Variants in GPHN observed in about 807,000 individuals in gnomAD.
The protein encoded by GPHN is gephyrin.
Under a neutral mutation model 95.5 loss-of-function variants are expected in GPHN, and 17 were observed. The ratio of observed to expected loss-of-function variants is 0.18; its 90% CI spans 0.12 to 0.27. The LOEUF is 0.27. Ranked by LOEUF, GPHN falls within the 10% of genes least tolerant of loss-of-function variation. The pLI is 1.00. For missense variants in GPHN, 660 were observed against 978.1 expected (o/e 0.67, Z 4.34); for synonymous variants, 320 against 322.5 (o/e 0.99, Z 0.08).
chr14:66,683,845 C>T (rs912005729), intron 2 of GPHN, among the ~76,000 whole-genome samples: 8 of 151,538 alleles, frequency 5.3e-5, no homozygotes, highest in Middle Eastern at 3.4e-3. Flanking sequence ...GGCGTGGTGG[C>T]GGGCACCTGT....
rs116007113 is a variant in GPHN at position 67,048,925 on chromosome 14, A to G, written c.1007-9724A>G. On this transcript the variant is annotated intron_variant, in intron 10 of 22. Coordinates refer to ENST00000478722, the MANE Select transcript of GPHN (RefSeq NM_020806.5). ...ATCAGAATATATTTGTGGCCATGAA[A>G]TAGTTTTGCTTCATAGGAAACTATT... Among the ~76,000 whole-genome samples the G allele has an allele frequency of 5.5e-3, 839 of 152,302 alleles. 3 individuals carry two copies. Among genetic ancestry groups the G allele is most frequent in the African/African-American group, 0.019 (802 of 41,570 alleles).
At chr14:66,640,236 C>T (rs1005825992) in intron 1 of GPHN, among the ~76,000 whole-genome samples, 1 of 152,054 alleles carries the variant, frequency 6.6e-6, no homozygotes, top group Non-Finnish European at 1.5e-5. Context: ...GCCTGGCCAA[C>T]ATGGTGAAAC....
chr14:67,356,439 A>C, the GPHN span, among the ~76,000 whole-genome samples: 2 of 143,316 alleles, frequency 1.4e-5, no homozygotes, highest in African/African-American at 5.6e-5. Context: ...AAAAACAAAA[A>C]AAAAAAAACA....
At chr14:67,126,461 AAG>A (rs2079322977) in intron 17 of GPHN, among the ~76,000 whole-genome samples, 2 of 152,354 alleles carry the variant, frequency 1.3e-5, no homozygotes, top group East Asian at 3.9e-4. Context: ...TAGATAGGAA[AAG>A]AGAGTGTGTT....
intron 18 of GPHN, among the ~76,000 whole-genome samples, chr14:67,152,585 A>G (rs1057102983): frequency 4.6e-5 from 7 of 152,228 alleles, no homozygotes; most frequent in Non-Finnish European, 8.8e-5. Flanking sequence ...ATAATTTGCT[A>G]ATAGATGCAA....
chr14:66,557,787 G>T (rs1458733425), intron 1 of GPHN, among the ~76,000 whole-genome samples: 1 of 152,060 alleles, frequency 6.6e-6, no homozygotes, highest in Non-Finnish European at 1.5e-5. Context: ...ACTTTTAAAA[G>T]TGTGTCTGAT....
chr14:67,586,846 A>G, the GPHN span: 1 of 1,497,556 alleles, frequency 6.7e-7, no homozygotes, highest in Non-Finnish European at 8.9e-7. Context: ...TCCTTTTCTC[A>G]GAAGGGCACT....
At chr14:66,925,983 G>A (rs1201190796) in intron 8 of GPHN, among the ~76,000 whole-genome samples, 2 of 152,074 alleles carry the variant, frequency 1.3e-5, no homozygotes, top group Non-Finnish European at 2.9e-5. Context: ...GTTTTGATTT[G>A]CATTTATCTG....
chr14:67,373,771 A>G, the GPHN span, among the ~76,000 whole-genome samples: 2 of 152,092 alleles, frequency 1.3e-5, no homozygotes, highest in African/African-American at 4.8e-5. Context: ...GTTCAAGAAG[A>G]TGTTTAAGCA....
chr14:67,008,454 AAAAAAAG>A (rs2072757831), intron 9 of GPHN, among the ~76,000 whole-genome samples: 2 of 151,882 alleles, frequency 1.3e-5, no homozygotes, highest in African/African-American at 4.8e-5. Context: ...ACACCGTCTC[AAAAAAAG>A]AAAAAAGAAA....
chr14:67,206,612 G>A, the GPHN span, among the ~76,000 whole-genome samples: 16 of 152,166 alleles, frequency 1.1e-4, no homozygotes, highest in Non-Finnish European at 1.6e-4. Context: ...AGTGAAAAAG[G>A]TAGGAGACAG....
chr14:67,474,149 A>G, the GPHN span, among the ~76,000 whole-genome samples: 12 of 152,106 alleles, frequency 7.9e-5, no homozygotes, highest in Non-Finnish European at 1.5e-4. Context: ...CTACTTGGGA[A>G]GCTGAGGCAG....
Position 67,180,865 on chromosome 14 carries a change from T to C in GPHN, c.2238T>C (p.Pro746=). The C allele has an allele frequency of 6.2e-7, 1 of 1,613,926 alleles. No individual in the cohort carries two copies. The highest frequency in any genetic ancestry group is 8.5e-7 in the Non-Finnish European group (1 of 1,179,890). Residue 746 remains proline (P), a synonymous_variant, in exon 23 of 23, where the codon CCT becomes CCC. Transcript: ENST00000478722. ...GTGCCAATGGATTGTTGATGCTACCTCCAAAGACAGAACAGTACGTGGAGC... is the reference window on the plus strand; with the variant it reads ...GTGCCAATGGATTGTTGATGCTACCCCCAAAGACAGAACAGTACGTGGAGC... ...MRSANGLLML[P]PKTEQYVELH...
At chr14:66,606,734 G>A (rs1325769687) in intron 1 of GPHN, among the ~76,000 whole-genome samples, 12 of 151,972 alleles carry the variant, frequency 7.9e-5, no homozygotes, top group Admixed American at 7.9e-4. Flanking sequence ...GGAAATTGGT[G>A]TGTGTTCTTG....
chr14:67,312,325 C>G, the GPHN span: 22 of 362,646 alleles, frequency 6.1e-5, no homozygotes, highest in African/African-American at 4.6e-4. Flanking sequence ...CACCTATAAT[C>G]CCACCACTTT....
Position 67,136,024 on chromosome 14 carries a change from T to A in GPHN, c.1749-7338T>A, listed in dbSNP as rs554041449. Among the ~76,000 whole-genome samples the A allele has an allele frequency of 5.3e-5, 8 of 152,354 alleles. No individual in the cohort carries two copies. The South Asian group carries it at 1.7e-3, about 32-fold the overall frequency. On this transcript the variant is annotated intron_variant, in intron 17 of 22. Coordinates refer to ENST00000478722, the MANE Select transcript of GPHN (RefSeq NM_020806.5). ...TCACATATTTTGTTCCAGAACACAG[T>A]GTTAATGTCATAATTGAATCTGTAT...
chr14:67,025,663 G>A (rs1016979970), intron 10 of GPHN, among the ~76,000 whole-genome samples: 1 of 152,098 alleles, frequency 6.6e-6, no homozygotes, highest in Non-Finnish European at 1.5e-5. Context: ...AAATTCCTTG[G>A]CCAAGGCAAA....
At chr14:67,167,404 TTCTA>T (rs2082342822) in intron 20 of GPHN, among the ~76,000 whole-genome samples, 1 of 152,214 alleles carries the variant, frequency 6.6e-6, no homozygotes, top group African/African-American at 2.4e-5. Flanking sequence ...GAAAAAAATA[TTCTA>T]TCTACTTGTA....
chr14:67,561,465 A>G, the GPHN span, among the ~76,000 whole-genome samples: 1 of 149,646 alleles, frequency 6.7e-6, no homozygotes, highest in Non-Finnish European at 1.5e-5. Context: ...GTGGGAGGCT[A>G]AGGTGGGAGG....
Sources: allele counts gnomAD v4.1 joint callset (sites outside exome capture counted in the v4.1 genomes callset), GRCh38; gene constraint gnomAD v4.1.1; transcripts MANE v1.5; gene names NCBI Gene and HGNC (gene_info 2026-07-23, HGNC 2026-07-21).